Variants in GLIS1 observed in about 807,000 individuals in gnomAD.
The protein encoded by GLIS1 is zinc finger protein GLIS1.
In GLIS1, 24 loss-of-function variants were observed where a neutral mutation model predicts 63.8. The observed-to-expected ratio is 0.38, with a 90% CI of 0.27 to 0.53. GLIS1 has a LOEUF of 0.53. GLIS1 is among the 20% of genes least tolerant of loss of function. GLIS1 has a pLI of 0.85. For missense variants in GLIS1, 1,036 were observed against 1,074.1 expected, an observed-to-expected ratio of 0.96 and a Z score of 0.50; for synonymous variants, 450 against 482.5, an observed-to-expected ratio of 0.93 and a Z score of 0.88.
chr1:53,622,180 C>T (rs1417304328), intron 2 of GLIS1, among the ~76,000 whole-genome samples: 1 of 151,462 alleles, frequency 6.6e-6, no homozygotes, highest in Non-Finnish European at 1.5e-5. Flanking sequence ...GTAATCCCAG[C>T]ACTTTGGGAG....
intron 2 of GLIS1, among the ~76,000 whole-genome samples, chr1:53,607,365 G>A (rs1645381725): frequency 6.6e-6 from 1 of 152,100 alleles, no homozygotes; most frequent in African/African-American, 2.4e-5. Flanking sequence ...TGACCTCCTG[G>A]CCTCATGGGA....
chr1:53,708,137 G>T (rs1366052024), intron 2 of GLIS1, among the ~76,000 whole-genome samples: 3 of 152,018 alleles, frequency 2.0e-5, no homozygotes, highest in Non-Finnish European at 4.4e-5. Flanking sequence ...AAAAAAATTA[G>T]CTGGGCGTGG....
intron 4 of GLIS1, among the ~76,000 whole-genome samples, chr1:53,589,999 C>G (rs1380285278): frequency 6.6e-6 from 1 of 152,338 alleles, no homozygotes; most frequent in East Asian, 1.9e-4. Context: ...GCTACAGTCT[C>G]AAGTCCAGGC....
At chr1:53,645,210 G>C (rs182435614) in intron 2 of GLIS1, among the ~76,000 whole-genome samples, 2 of 152,054 alleles carry the variant, frequency 1.3e-5, no homozygotes, top group Admixed American at 1.3e-4. Flanking sequence ...TCCATATTTC[G>C]GATCTTGATT....
chr1:53,559,833 C>G (rs917846138), intron 4 of GLIS1, among the ~76,000 whole-genome samples: 1 of 152,160 alleles, frequency 6.6e-6, no homozygotes, highest in African/African-American at 2.4e-5. Context: ...ACATCCCCCC[C>G]AGTCATATAC....
At chr1:53,724,372 C>T (rs7547962) in intron 2 of GLIS1, among the ~76,000 whole-genome samples, 24,456 of 152,116 alleles carry the variant, frequency 0.16, 2,118 homozygotes, top group East Asian at 0.25. Flanking sequence ...TACCAGCTAG[C>T]CATGTGTCTA....
chr1:53,635,198 AG>A (rs1207942973), intron 2 of GLIS1, among the ~76,000 whole-genome samples: 7 of 152,114 alleles, frequency 4.6e-5, no homozygotes, highest in Admixed American at 4.6e-4. Context: ...AGCAAGTGAA[AG>A]GAGGGTCCAC....
chr1:53,657,627 G>T (rs956803532), intron 2 of GLIS1, among the ~76,000 whole-genome samples: 5 of 152,152 alleles, frequency 3.3e-5, no homozygotes, highest in Non-Finnish European at 7.3e-5. Context: ...GAGGGGGAGA[G>T]GACCGGGTCC....
chr1:53,581,813 G>T (rs1645088139), intron 4 of GLIS1, among the ~76,000 whole-genome samples: 1 of 152,060 alleles, frequency 6.6e-6, no homozygotes, highest in Non-Finnish European at 1.5e-5. Context: ...AGGAACTGGG[G>T]CCAGAGAGCT....
chr1:53,701,758 C>T (rs552186677), intron 2 of GLIS1, among the ~76,000 whole-genome samples: 2 of 152,146 alleles, frequency 1.3e-5, no homozygotes, highest in Admixed American at 6.5e-5. Context: ...TTTGGGGGGC[C>T]GAGGCCAGTG....
Position 53,622,427 on chromosome 1 carries a change from CA to C in GLIS1, c.260-22150del, listed in dbSNP as rs60923620. On this transcript the variant is annotated intron_variant, in intron 2 of 10. Transcript: ENST00000628545. ...TGGACAACAGAGCTAGACTATGTCT[CA>C]AAAAAAAAAAAAAAAAAAAAAAGAA... Among the ~76,000 whole-genome samples, 833 of 132,094 alleles carry C rather than the reference CA, an allele frequency of 6.3e-3. 5 individuals are homozygous for C. The highest frequency in any genetic ancestry group is 0.023 in the African/African-American group (767 of 32,864). 86.7% of individuals were successfully genotyped at this position (132,094 alleles called of 152,430 possible). A position where few individuals can be genotyped will look rare whatever the true frequency, so the allele number is the denominator to read the frequency against.
chr1:53,554,241 T>C (rs1644794137), intron 4 of GLIS1, among the ~76,000 whole-genome samples: 1 of 151,986 alleles, frequency 6.6e-6, no homozygotes, highest in Non-Finnish European at 1.5e-5. Context: ...CATGACAACC[T>C]CCTCTTGACA....
intron 2 of GLIS1, among the ~76,000 whole-genome samples, chr1:53,695,036 G>T (rs61184814): frequency 0.25 from 38,360 of 151,044 alleles, 5,200 homozygotes; most frequent in African/African-American, 0.36. Context: ...ATAAGTCAGG[G>T]AAGGCAAGTC....
At chr1:53,704,738 G>C (rs1019161536) in intron 2 of GLIS1, among the ~76,000 whole-genome samples, 1 of 152,230 alleles carries the variant, frequency 6.6e-6, no homozygotes, top group Non-Finnish European at 1.5e-5. Context: ...CCCTGGCTCT[G>C]TGGGCTCTAG....
chr1:53,642,009 C>A (rs1645792309), intron 2 of GLIS1, among the ~76,000 whole-genome samples: 1 of 152,254 alleles, frequency 6.6e-6, no homozygotes, highest in Non-Finnish European at 1.5e-5. Context: ...TGACCCCACT[C>A]CACTCCCAGG....
chr1:53,521,375 G>A (rs1355342270), intron 6 of GLIS1, among the ~76,000 whole-genome samples: 1 of 151,708 alleles, frequency 6.6e-6, no homozygotes, highest in Non-Finnish European at 1.5e-5. Context: ...CTTCCTTCTT[G>A]GTACAAGGTT....
Position 53,509,173 on chromosome 1 carries a change from T to C in GLIS1, c.2177A>G (p.Asn726Ser). ...DGLVGETHGF[N>S]PLRPNGYHSL... Reference sequence around the variant, plus strand: ...GTGGTAGCCATTGGGCCGCAGGGGGTTGAAACCGTGGGTCTCCCCGACCAG... The same window carrying C: ...GTGGTAGCCATTGGGCCGCAGGGGGCTGAAACCGTGGGTCTCCCCGACCAG... Residue 726 changes from asparagine to serine, a missense_variant, in exon 10 of 11, where the codon AAC becomes AGC. Coordinates refer to ENST00000628545, the MANE Select transcript of GLIS1 (RefSeq NM_001367484.1). The C allele has an allele frequency of 6.2e-7, 1 of 1,600,212 alleles. No individual in the cohort carries two copies. The highest frequency in any genetic ancestry group is 8.5e-7 in the Non-Finnish European group (1 of 1,174,336).
chr1:53,666,982 C>A (rs1013074872), intron 2 of GLIS1, among the ~76,000 whole-genome samples: 1 of 152,236 alleles, frequency 6.6e-6, no homozygotes, highest in Non-Finnish European at 1.5e-5. Context: ...ATTCACTGTG[C>A]TGCTCATCCC....
chr1:53,520,254 C>T (rs958304669), intron 7 of GLIS1, among the ~76,000 whole-genome samples: 8 of 152,044 alleles, frequency 5.3e-5, no homozygotes, highest in Middle Eastern at 3.4e-3. Flanking sequence ...GGACAGTGTC[C>T]GGGGGTCGGG....
Sources: allele counts gnomAD v4.1 joint callset (sites outside exome capture counted in the v4.1 genomes callset), GRCh38; gene constraint gnomAD v4.1.1; transcripts MANE v1.5; gene names NCBI Gene and HGNC (gene_info 2026-07-23, HGNC 2026-07-21).